Variants in THADA observed in about 807,000 individuals in gnomAD.
THADA encodes the protein tRNA (32-2'-O)-methyltransferase regulator THADA.
Under a neutral mutation model 219.8 loss-of-function variants are expected in THADA, and 213 were observed. That is an observed-to-expected ratio of 0.97 (90% CI 0.87 to 1.09). The LOEUF is 1.09. THADA is among the 50% of genes least tolerant of loss of function. The probability of loss-of-function intolerance (pLI) is 0.00; values close to 1 mark genes in which losing one functional copy is unlikely to be tolerated. For synonymous variants in THADA, 1,018 were observed against 828.9 expected (o/e 1.23, Z -3.92); for missense variants, 2,956 against 2,311.3 (o/e 1.28, Z -5.72).
In THADA at chr2:43,280,409, G is replaced by A. The variant is rs571390215; in HGVS notation, c.5165-513C>T. On this transcript the variant is annotated intron_variant, in intron 35 of 37. Coordinates refer to ENST00000405975, the MANE Select transcript of THADA (RefSeq NM_022065.5). ...AGCACTTTGGGAGGACGAGGAGAGT[G>A]GATCACGAGGTCAGGAGATTGAGAC... Among the ~76,000 whole-genome samples, 4 of 152,226 alleles carry A rather than the reference G, an allele frequency of 2.6e-5. No homozygotes were observed. In the East Asian group the frequency reaches 7.7e-4, roughly 29 times the overall value.
intron 31 of THADA, among the ~76,000 whole-genome samples, chr2:43,298,772 A>C (rs1397433450): frequency 6.6e-6 from 1 of 152,066 alleles, no homozygotes; most frequent in Non-Finnish European, 1.5e-5. Flanking sequence ...GAAGCCAGGG[A>C]ATGAAGGCAC....
chr2:43,565,569 C>G (rs186799067), intron 15 of THADA: 3 of 152,090 alleles, frequency 2.0e-5, no homozygotes, highest in African/African-American at 4.8e-5. Flanking sequence ...ATGAAGCAAG[C>G]CTCTTTTACA....
chr2:43,390,157 C>A (rs1014653689), intron 29 of THADA, among the ~76,000 whole-genome samples: 1 of 152,160 alleles, frequency 6.6e-6, no homozygotes, highest in South Asian at 2.1e-4. Context: ...TTGCTCTTTG[C>A]CTAAGCTCAT....
chr2:43,482,389 C>T (rs1416177376), intron 26 of THADA, among the ~76,000 whole-genome samples: 1 of 152,106 alleles, frequency 6.6e-6, no homozygotes, highest in African/African-American at 2.4e-5. Context: ...GCGACAGGGA[C>T]TGTTCTACGG....
intron 23 of THADA, among the ~76,000 whole-genome samples, chr2:43,506,120 C>A (rs1015270730): frequency 6.6e-6 from 1 of 152,150 alleles, no homozygotes; most frequent in African/African-American, 2.4e-5. Context: ...ATTCTCTTTA[C>A]TTAAAAAGCA....
chr2:43,550,896 C>G lies in THADA; in HGVS notation c.2947+893G>C, dbSNP rs189451916. ...ATCCCAATGCTTTAAGAGGCCAAGGCAGAAGGATTGCTTGACAAGAGCAGC... is the reference window on the plus strand; with the variant it reads ...ATCCCAATGCTTTAAGAGGCCAAGGGAGAAGGATTGCTTGACAAGAGCAGC... On this transcript the variant is annotated intron_variant, in intron 19 of 37. Transcript: ENST00000405975. Among the ~76,000 whole-genome samples the G allele has an allele frequency of 8.9e-4, 136 of 152,226 alleles. 1 individual carries two copies. Among genetic ancestry groups the G allele is most frequent in the Non-Finnish European group, 1.7e-3 (113 of 68,016 alleles).
chr2:43,352,004 C>T (rs532589655), intron 29 of THADA, among the ~76,000 whole-genome samples: 3 of 152,174 alleles, frequency 2.0e-5, no homozygotes, highest in Non-Finnish European at 4.4e-5. Context: ...TGAAGGCCTG[C>T]ATATGAAGAA....
chr2:43,359,852 A>C (rs1472375050), intron 29 of THADA, among the ~76,000 whole-genome samples: 1 of 151,050 alleles, frequency 6.6e-6, no homozygotes, highest in Non-Finnish European at 1.5e-5. Flanking sequence ...TCAAACTCCT[A>C]GGCTCAAGGG....
intron 31 of THADA, among the ~76,000 whole-genome samples, chr2:43,310,571 C>A (rs1269434715): frequency 6.6e-6 from 1 of 152,140 alleles, no homozygotes; most frequent in African/African-American, 2.4e-5. Context: ...ATCTGTACCT[C>A]CTATCAGATA....
At chr2:43,311,863 T>C (rs1294470768) in intron 31 of THADA, among the ~76,000 whole-genome samples, 2 of 152,186 alleles carry the variant, frequency 1.3e-5, no homozygotes, top group African/African-American at 4.8e-5. Flanking sequence ...TTATCTGTGA[T>C]GTGCAGCTGG....
chr2:43,273,916 G>A (rs146366401), intron 36 of THADA, among the ~76,000 whole-genome samples: 31 of 152,182 alleles, frequency 2.0e-4, no homozygotes, highest in Non-Finnish European at 3.8e-4. Context: ...TGCAGATGTT[G>A]TTTTTTTCCT....
intron 30 of THADA, among the ~76,000 whole-genome samples, chr2:43,340,903 C>T (rs1200199526): frequency 6.6e-6 from 1 of 152,064 alleles, no homozygotes; most frequent in Non-Finnish European, 1.5e-5. Flanking sequence ...AGACAACTCC[C>T]AGAACAAGAG....
At chr2:43,449,651 C>A (rs12105394) in intron 26 of THADA, among the ~76,000 whole-genome samples, 12,673 of 152,160 alleles carry the variant, frequency 0.083, 589 homozygotes, top group South Asian at 0.14. Context: ...CTCCTGTGTT[C>A]CCAGCTACTT....
chr2:43,250,933 C>T (rs1669747611), intron 36 of THADA, among the ~76,000 whole-genome samples: 1 of 151,972 alleles, frequency 6.6e-6, no homozygotes, highest in African/African-American at 2.4e-5. Flanking sequence ...AAAGACTAAC[C>T]CTAAGAAGGG....
Position 43,574,887 on chromosome 2 carries a change from A to G in THADA, c.1178T>C (p.Leu393Ser), listed in dbSNP as rs1055756807. ...TTCCCAATGGGTATAGACATATTCC[A>G]AAAGTCTCCCAACTATACTTGAATT... The part of the protein sequence containing the change: ...NGNSSIVGRL[L>S]EYVYTHWEHP... Residue 393 changes from leucine (L) to serine (S), a missense_variant, in exon 11 of 38, where the codon TTG becomes TCG. Coordinates refer to ENST00000405975, the MANE Select transcript of THADA (RefSeq NM_022065.5). The G allele has an allele frequency of 3.1e-6, 5 of 1,613,906 alleles. No individual in the cohort carries two copies. Among genetic ancestry groups the G allele is most frequent in the African/African-American group, 1.3e-5 (1 of 74,914 alleles).
intron 29 of THADA, among the ~76,000 whole-genome samples, chr2:43,386,916 C>T (rs938122813): frequency 1.1e-4 from 15 of 136,206 alleles, no homozygotes; most frequent in Non-Finnish European, 2.4e-4. Flanking sequence ...AAAAAAAAAG[C>T]ATAATTACTA....
intron 26 of THADA, among the ~76,000 whole-genome samples, chr2:43,476,819 T>C (rs1685609444): frequency 6.6e-6 from 1 of 152,176 alleles, no homozygotes; most frequent in Admixed American, 6.5e-5. Flanking sequence ...ATCTTCCCCA[T>C]ACTAATGGTC....
chr2:43,472,555 G>A (rs1294275987), intron 26 of THADA, among the ~76,000 whole-genome samples: 1 of 152,216 alleles, frequency 6.6e-6, no homozygotes, highest in Non-Finnish European at 1.5e-5. Context: ...ATGACCTGGT[G>A]CTAGGTTTCT....
chr2:43,454,494 T>C (rs1339151960), intron 26 of THADA, among the ~76,000 whole-genome samples: 1 of 151,914 alleles, frequency 6.6e-6, no homozygotes, highest in Admixed American at 6.6e-5. Flanking sequence ...CCCAGCTACT[T>C]GGATGGCTGA....
Sources: gnomAD v4.1 joint callset for allele counts (sites outside exome capture counted in the v4.1 genomes callset) on GRCh38, gnomAD v4.1.1 for gene constraint, MANE v1.5 for transcripts, NCBI Gene and HGNC (gene_info 2026-07-23, HGNC 2026-07-21) for gene names.